THEMIS: variants seen among roughly 807,000 people sequenced by gnomAD.
The protein encoded by THEMIS is protein THEMIS.
In THEMIS, 37 loss-of-function variants were observed where a neutral mutation model predicts 52.6. That is an observed-to-expected ratio of 0.70 (90% CI 0.54 to 0.93). THEMIS has a LOEUF of 0.93. Among genes scored for constraint, THEMIS ranks in the 40% least tolerant of loss-of-function variants. The pLI, the probability that THEMIS is intolerant of heterozygous loss-of-function variation, is 0.00. For missense variants in THEMIS, 808 were observed against 763.1 expected (o/e 1.06, Z -0.69); for synonymous variants, 292 against 272.7 (o/e 1.07, Z -0.70).
chr6:127,736,008 C>A (rs1028424567), intron 4 of THEMIS, among the ~76,000 whole-genome samples: 38 of 152,118 alleles, frequency 2.5e-4, no homozygotes, highest in African/African-American at 9.2e-4. Context: ...TGCTGGTGGG[C>A]ACTAACACTG....
intron 3 of THEMIS, among the ~76,000 whole-genome samples, chr6:127,822,600 T>G (rs1486228175): frequency 6.6e-6 from 1 of 152,162 alleles, no homozygotes; most frequent in Admixed American, 6.5e-5. Context: ...AATAAACACT[T>G]TTTTAGACAC....
intron 3 of THEMIS, among the ~76,000 whole-genome samples, chr6:127,826,282 G>A (rs940477977): frequency 3.3e-5 from 5 of 152,022 alleles, no homozygotes; most frequent in Admixed American, 3.3e-4. Context: ...TGACTTTTTG[G>A]ACTTTGATAA....
chr6:127,794,620 C>T (rs1479394227), intron 4 of THEMIS, among the ~76,000 whole-genome samples: 1 of 152,190 alleles, frequency 6.6e-6, no homozygotes, highest in Non-Finnish European at 1.5e-5. Context: ...ACATTAGACA[C>T]AGTCCTGCCT....
At chr6:127,791,891 G>C (rs932814356) in intron 4 of THEMIS, among the ~76,000 whole-genome samples, 2 of 152,192 alleles carry the variant, frequency 1.3e-5, no homozygotes, top group African/African-American at 4.8e-5. Context: ...CTCTGAAATT[G>C]GAGTGGGCAC....
At chr6:127,860,875 TTAAA>T (rs1222808948) in intron 1 of THEMIS, among the ~76,000 whole-genome samples, 2 of 152,124 alleles carry the variant, frequency 1.3e-5, no homozygotes, top group Non-Finnish European at 2.9e-5. Flanking sequence ...ATTTAATAGA[TTAAA>T]TAAAACTGTA....
At chr6:127,832,111 G>C (rs1405729204) in intron 2 of THEMIS, among the ~76,000 whole-genome samples, 1 of 152,120 alleles carries the variant, frequency 6.6e-6, no homozygotes, top group Non-Finnish European at 1.5e-5. Flanking sequence ...CTATATCGAT[G>C]ACATAAGTCA....
intron 3 of THEMIS, among the ~76,000 whole-genome samples, chr6:127,823,688 G>A (rs1379999850): frequency 6.6e-6 from 1 of 151,910 alleles, no homozygotes; most frequent in Non-Finnish European, 1.5e-5. Flanking sequence ...CATTTAGCAG[G>A]AGTAGCAACC....
intron 4 of THEMIS, among the ~76,000 whole-genome samples, chr6:127,771,223 C>A (rs1234913591): frequency 6.6e-6 from 1 of 152,002 alleles, no homozygotes; most frequent in Non-Finnish European, 1.5e-5. Flanking sequence ...TGTGAAGAAC[C>A]TCTTCAAGAA....
At chr6:127,895,797 G>T (rs1297466423) in intron 1 of THEMIS, among the ~76,000 whole-genome samples, 1 of 151,258 alleles carries the variant, frequency 6.6e-6, no homozygotes, top group Non-Finnish European at 1.5e-5. Flanking sequence ...ATTTAAATAA[G>T]CGATAACACC....
chr6:127,907,625 G>T (rs1781309071), intron 1 of THEMIS, among the ~76,000 whole-genome samples: 1 of 151,758 alleles, frequency 6.6e-6, no homozygotes, highest in Non-Finnish European at 1.5e-5. Context: ...TTAGGCAGTT[G>T]TCTCAGCTAA....
chr6:127,903,789 G>A (rs184590567), upstream of THEMIS, among the ~76,000 whole-genome samples: 260 of 150,692 alleles, frequency 1.7e-3, 1 homozygote, highest in African/African-American at 6.1e-3. Context: ...GTGGGTAAAG[G>A]CCACTTGTTA....
At chr6:127,867,022 T>G (rs1780003121) in intron 1 of THEMIS, among the ~76,000 whole-genome samples, 1 of 151,532 alleles carries the variant, frequency 6.6e-6, no homozygotes, top group Admixed American at 6.6e-5. Context: ...AGAAAAAAGT[T>G]TTCTGTGCTA....
chr6:127,811,527 A>G (rs908836275), intron 4 of THEMIS, among the ~76,000 whole-genome samples: 4 of 152,230 alleles, frequency 2.6e-5, no homozygotes, highest in African/African-American at 9.6e-5. Context: ...ACCCACCTGG[A>G]TAATCCAAGA....
chr6:127,810,026 A>G (rs965977085), intron 4 of THEMIS, among the ~76,000 whole-genome samples: 1 of 151,708 alleles, frequency 6.6e-6, no homozygotes, highest in Admixed American at 6.6e-5. Context: ...GTAAAAAAAC[A>G]GCTAGGAATT....
upstream of THEMIS, among the ~76,000 whole-genome samples, chr6:127,901,421 G>A (rs1781131611): frequency 6.6e-6 from 1 of 152,032 alleles, no homozygotes; most frequent in Non-Finnish European, 1.5e-5. Flanking sequence ...GCTTGGCTTT[G>A]TGCCTTATTT....
At chr6:127,798,262 A>C (rs1441795319) in intron 4 of THEMIS, among the ~76,000 whole-genome samples, 1 of 152,388 alleles carries the variant, frequency 6.6e-6, no homozygotes, top group South Asian at 2.1e-4. Flanking sequence ...ATGCAAACAC[A>C]TAACAGTGGA....
chr6:127,835,686 T>C (rs1376339558), intron 2 of THEMIS, among the ~76,000 whole-genome samples: 1 of 152,098 alleles, frequency 6.6e-6, no homozygotes, highest in Non-Finnish European at 1.5e-5. Context: ...CTAGCCTGGA[T>C]CAAAATCGAG....
chr6:127,713,554 G>A (rs1048543747), intron 5 of THEMIS, among the ~76,000 whole-genome samples: 2 of 151,848 alleles, frequency 1.3e-5, no homozygotes, highest in South Asian at 4.1e-4. Flanking sequence ...AAAGGACACT[G>A]CAAAATATGT....
the THEMIS span, among the ~76,000 whole-genome samples, chr6:127,697,875 G>C: frequency 6.6e-6 from 1 of 151,860 alleles, no homozygotes; most frequent in African/African-American, 2.4e-5. Flanking sequence ...TATTTTATTT[G>C]TTTATTTTAT....
Sources: gnomAD v4.1 joint callset for allele counts (sites outside exome capture counted in the v4.1 genomes callset) on GRCh38, gnomAD v4.1.1 for gene constraint, MANE v1.5 for transcripts, NCBI Gene and HGNC (gene_info 2026-07-23, HGNC 2026-07-21) for gene names.